Variants in LRFN5 observed in about 807,000 individuals in gnomAD.
The protein encoded by LRFN5 is leucine rich repeat and fibronectin type III domain containing 5, also known as leucine-rich repeat and fibronectin type-III domain-containing protein 5.
Under a neutral mutation model 45.6 loss-of-function variants are expected in LRFN5, and 24 were observed. That is an observed-to-expected ratio of 0.53 (90% CI 0.38 to 0.74). The LOEUF is 0.74. LRFN5 is among the 30% of genes least tolerant of loss of function. The pLI is 0.00. For synonymous variants in LRFN5, 340 were observed against 313.8 expected (o/e 1.08, Z -0.88); for missense variants, 776 against 861.5 (o/e 0.90, Z 1.24).
intron 2 of LRFN5, among the ~76,000 whole-genome samples, chr14:41,870,646 A>C (rs1053358160): frequency 9.2e-5 from 14 of 152,218 alleles, no homozygotes; most frequent in Non-Finnish European, 1.8e-4. Flanking sequence ...TCAAGGTAAT[A>C]TTTGAGTGGG....
intron 1 of LRFN5, among the ~76,000 whole-genome samples, chr14:41,638,220 T>A (rs1208355759): frequency 6.6e-6 from 1 of 152,036 alleles, no homozygotes; most frequent in Non-Finnish European, 1.5e-5. Context: ...GTGAGGACTT[T>A]GAAAATGTCA....
intron 1 of LRFN5, among the ~76,000 whole-genome samples, chr14:41,715,402 G>A (rs1883451515): frequency 6.6e-6 from 1 of 152,112 alleles, no homozygotes; most frequent in African/African-American, 2.4e-5. Flanking sequence ...ACATTCTATG[G>A]TTCCATATGA....
intron 2 of LRFN5, among the ~76,000 whole-genome samples, chr14:41,872,204 T>A (rs1378807946): frequency 6.6e-6 from 1 of 152,254 alleles, no homozygotes; most frequent in African/African-American, 2.4e-5. Context: ...CAAAAACTTC[T>A]CAATTAGTAG....
chr14:41,899,426 C>G (rs1210071833), intron 5 of LRFN5, among the ~76,000 whole-genome samples: 1 of 152,080 alleles, frequency 6.6e-6, no homozygotes, highest in Non-Finnish European at 1.5e-5. Context: ...TGAATGAAGC[C>G]TCTTTAAAAT....
chr14:41,638,727 T>C (rs1440404617), intron 1 of LRFN5, among the ~76,000 whole-genome samples: 2 of 152,116 alleles, frequency 1.3e-5, no homozygotes, highest in African/African-American at 2.4e-5. Flanking sequence ...TAACCTAATA[T>C]GATAATTTAT....
intron 1 of LRFN5, among the ~76,000 whole-genome samples, chr14:41,734,737 T>A (rs1356236286): frequency 6.6e-6 from 1 of 152,086 alleles, no homozygotes; most frequent in Non-Finnish European, 1.5e-5. Context: ...TCATTTGTTA[T>A]CTCTTCCTTT....
At chr14:41,610,683 A>AAAAAAAAAAAAAAAAAAAAAAT (rs1887720009) in intron 1 of LRFN5, among the ~76,000 whole-genome samples, 2 of 144,734 alleles carry the variant, frequency 1.4e-5, no homozygotes, top group Non-Finnish European at 3.0e-5. Context: ...AAAAAAAAAA[A>AAAAAAAAAAAAAAAAAAAAAAT]GTGTATTGCC....
chr14:41,684,332 A>C (rs1365890901), intron 1 of LRFN5, among the ~76,000 whole-genome samples: 1 of 152,088 alleles, frequency 6.6e-6, no homozygotes, highest in Non-Finnish European at 1.5e-5. Flanking sequence ...TAAAAGAAAG[A>C]GGTTTAACTG....
At chr14:41,888,921 G>A (rs560907736) in intron 3 of LRFN5, among the ~76,000 whole-genome samples, 1 of 151,452 alleles carries the variant, frequency 6.6e-6, no homozygotes, top group Admixed American at 6.6e-5. Context: ...CTATGCCCTA[G>A]GAAATGATGC....
intron 1 of LRFN5, among the ~76,000 whole-genome samples, chr14:41,722,851 C>T (rs190138320): frequency 3.2e-4 from 48 of 152,248 alleles, no homozygotes; most frequent in Non-Finnish European, 3.4e-4. Flanking sequence ...GTTCTGTGCT[C>T]CTAAGGTGGG....
intron 2 of LRFN5, among the ~76,000 whole-genome samples, chr14:41,859,514 C>G (rs1402749588): frequency 6.6e-6 from 1 of 152,160 alleles, no homozygotes; most frequent in East Asian, 1.9e-4. Flanking sequence ...CTCTTTCTTG[C>G]CTCATGCCAA....
At chr14:41,800,060 C>T (rs940656149) in intron 2 of LRFN5, among the ~76,000 whole-genome samples, 4 of 151,938 alleles carry the variant, frequency 2.6e-5, no homozygotes, top group Admixed American at 6.6e-5. Context: ...GAATAACTCA[C>T]GTGTTATATC....
chr14:41,820,497 C>T (rs1339521727), intron 2 of LRFN5, among the ~76,000 whole-genome samples: 2 of 152,026 alleles, frequency 1.3e-5, no homozygotes, highest in Non-Finnish European at 2.9e-5. Flanking sequence ...CAGTACCATA[C>T]TGTTTTGGTT....
At chr14:41,640,194 G>A (rs1358387813) in intron 1 of LRFN5, among the ~76,000 whole-genome samples, 4 of 151,844 alleles carry the variant, frequency 2.6e-5, no homozygotes, top group Non-Finnish European at 5.9e-5. Context: ...TTCATTGTCC[G>A]TCTGAAGGCC....
At chr14:41,827,487 G>T in intron 2 of LRFN5, among the ~76,000 whole-genome samples, 1 of 151,718 alleles carries the variant, frequency 6.6e-6, no homozygotes, top group East Asian at 1.9e-4. Context: ...TTTGCTAGAG[G>T]AAATATCAAG....
chr14:41,692,317 G>T (rs1375429900), intron 1 of LRFN5, among the ~76,000 whole-genome samples: 1 of 151,750 alleles, frequency 6.6e-6, no homozygotes, highest in East Asian at 1.9e-4. Flanking sequence ...TTTTATTGTA[G>T]CTTTATGTGA....
chr14:41,898,885 AT>A (rs756239751), intron 4 of LRFN5, 31 bp from the exon 5 acceptor site: 18 of 1,589,670 alleles, frequency 1.1e-5, no homozygotes, highest in Non-Finnish European at 1.5e-5. Context: ...AAAAAAATGA[AT>A]TGTTTATGAC....
chr14:41,770,702 C>T (rs1594693400), intron 2 of LRFN5, among the ~76,000 whole-genome samples: 1 of 152,184 alleles, frequency 6.6e-6, no homozygotes, highest in East Asian at 1.9e-4. Context: ...CACATAGCTG[C>T]TCTCACAGGT....
chr14:41,730,176 A>T (rs1884108127), intron 1 of LRFN5, among the ~76,000 whole-genome samples: 1 of 152,110 alleles, frequency 6.6e-6, no homozygotes, highest in Non-Finnish European at 1.5e-5. Flanking sequence ...TGCAAATAAA[A>T]CCATAGACAA....
Sources: allele counts gnomAD v4.1 joint callset (sites outside exome capture counted in the v4.1 genomes callset), GRCh38; gene constraint gnomAD v4.1.1; transcripts MANE v1.5; gene names NCBI Gene and HGNC (gene_info 2026-07-23, HGNC 2026-07-21).